The following PDE11A variants were observed in gnomAD, a reference collection of about 807,000 sequenced individuals.
PDE11A encodes the protein dual 3',5'-cyclic-AMP and -GMP phosphodiesterase 11A.
A neutral mutation model predicts 100.5 loss-of-function variants in PDE11A; 100 were observed. That is an observed-to-expected ratio of 1.00 (90% CI 0.85 to 1.18). The LOEUF is 1.18. PDE11A is among the 50% of genes most tolerant of loss of function. PDE11A has a pLI of 0.00. For synonymous variants in PDE11A, 381 were observed against 420.8 expected (o/e 0.91, Z 1.16); for missense variants, 1,141 against 1,152.6 (o/e 0.99, Z 0.15).
intron 2 of PDE11A, chr2:177,997,636 T>C (rs1315963914): frequency 1.4e-6 from 2 of 1,389,160 alleles, no homozygotes; most frequent in East Asian, 4.6e-5. Flanking sequence ...TCGTGCAAAG[T>C]ATTGCAGCCT....
intron 4 of PDE11A, among the ~76,000 whole-genome samples, chr2:177,894,270 A>T (rs1220104745): frequency 1.3e-5 from 2 of 152,086 alleles, no homozygotes; most frequent in African/African-American, 2.4e-5. Context: ...TCTGCTGGGG[A>T]TGCCACATAA....
chr2:177,962,657 A>C (rs1003121850), intron 2 of PDE11A, among the ~76,000 whole-genome samples: 14 of 152,192 alleles, frequency 9.2e-5, no homozygotes, highest in African/African-American at 2.7e-4. Flanking sequence ...TGAAAGATGA[A>C]TTAGGGTCAG....
chr2:177,719,699 C>A (rs10166758), intron 12 of PDE11A, among the ~76,000 whole-genome samples: 1 of 152,104 alleles, frequency 6.6e-6, no homozygotes, highest in Non-Finnish European at 1.5e-5. Flanking sequence ...GCAGTATTTA[C>A]AGAAGAAGCA....
chr2:177,931,911 C>CAA (rs71410773), intron 2 of PDE11A, among the ~76,000 whole-genome samples: 7,220 of 80,122 alleles, frequency 0.09, 239 homozygotes, highest in Non-Finnish European at 0.12. Context: ...GCTAGATTAA[C>CAA]AAAAAAAAAA....
intron 17 of PDE11A, among the ~76,000 whole-genome samples, chr2:177,673,751 G>C (rs1224256824): frequency 1.3e-5 from 2 of 152,194 alleles, no homozygotes; most frequent in African/African-American, 4.8e-5. Flanking sequence ...AACTCTGGTA[G>C]TCATGCATTC....
intron 9 of PDE11A, among the ~76,000 whole-genome samples, chr2:177,769,885 C>CAAA (rs10572990): frequency 3.7e-4 from 26 of 70,848 alleles, no homozygotes; most frequent in Non-Finnish European, 4.6e-4. Context: ...AAGACCCTAT[C>CAAA]AAAAAAAAAA....
intron 1 of PDE11A, among the ~76,000 whole-genome samples, chr2:178,043,106 C>T (rs1381767281): frequency 6.6e-6 from 1 of 152,078 alleles, no homozygotes; most frequent in Non-Finnish European, 1.5e-5. Context: ...GCAGTGCAGT[C>T]TTATATACTA....
chr2:177,893,817 T>C lies in PDE11A; in HGVS notation c.1302+4241A>G, dbSNP rs563630023. Among the ~76,000 whole-genome samples the C allele has an allele frequency of 7.0e-4, 107 of 152,268 alleles. 1 individual carries two copies. In the South Asian group the frequency reaches 9.1e-3, roughly 13 times the overall value. ...AAGGTCATAAGTAATATGGAAAAGGTATAATTGTGGATTTGCTTGGTAATA... is the reference window on the plus strand; with the variant it reads ...AAGGTCATAAGTAATATGGAAAAGGCATAATTGTGGATTTGCTTGGTAATA... On this transcript the variant is annotated intron_variant, in intron 4 of 19. Transcript: ENST00000286063.
intron 10 of PDE11A, among the ~76,000 whole-genome samples, chr2:177,740,761 A>T (rs1444002665): frequency 6.6e-6 from 1 of 152,112 alleles, no homozygotes; most frequent in Non-Finnish European, 1.5e-5. Flanking sequence ...AAACTTATTT[A>T]TTTTTGTGGT....
At chr2:178,028,667 T>C (rs1420734952) in intron 1 of PDE11A, among the ~76,000 whole-genome samples, 1 of 152,232 alleles carries the variant, frequency 6.6e-6, no homozygotes, top group African/African-American at 2.4e-5. Context: ...CTTAGCCAGC[T>C]AGCAAAATGC....
intron 18 of PDE11A, among the ~76,000 whole-genome samples, chr2:177,664,586 T>C (rs1399985487): frequency 2.6e-5 from 4 of 152,144 alleles, no homozygotes; most frequent in Non-Finnish European, 5.9e-5. Flanking sequence ...TTAGGTATAT[T>C]TTTGGGAAAA....
intron 2 of PDE11A, among the ~76,000 whole-genome samples, chr2:177,968,909 C>T (rs1181466049): frequency 6.6e-6 from 1 of 152,212 alleles, no homozygotes; most frequent in Non-Finnish European, 1.5e-5. Flanking sequence ...CTGGCAATCC[C>T]ATTACTGGGT....
chr2:178,014,251 A>G (rs748527789), intron 2 of PDE11A, 51 bp downstream of exon 2: 1 of 1,362,062 alleles, frequency 7.3e-7, no homozygotes, highest in African/African-American at 1.4e-5. Context: ...GGAGAATAGC[A>G]ATCAATGACC....
intron 13 of PDE11A, among the ~76,000 whole-genome samples, chr2:177,710,362 G>C (rs552593021): frequency 6.6e-6 from 1 of 151,978 alleles, no homozygotes; most frequent in Non-Finnish European, 1.5e-5. Context: ...TGAGTGGTGC[G>C]GGGGAGGCGG....
intron 19 of PDE11A, among the ~76,000 whole-genome samples, chr2:177,658,228 TAGATGTCAGCTGGGGA>T (rs2080419495): frequency 6.6e-6 from 1 of 152,158 alleles, no homozygotes. Flanking sequence ...CCCTGGTACC[TAGATGTCAGCTGGGGA>T]GGAGAAAGAG....
intron 6 of PDE11A, among the ~76,000 whole-genome samples, chr2:177,830,631 TAATAATAA>T: frequency 6.8e-6 from 1 of 148,054 alleles, no homozygotes; most frequent in African/African-American, 2.5e-5. Context: ...ATAATAATAA[TAATAATAA>T]TAATAATAAT....
chr2:177,991,301 A>G (rs2086001233), intron 2 of PDE11A, among the ~76,000 whole-genome samples: 1 of 150,446 alleles, frequency 6.6e-6, no homozygotes, highest in Non-Finnish European at 1.5e-5. Flanking sequence ...ACTGTACTCC[A>G]GCCTGGGCGA....
At chr2:177,989,832 GA>G (rs1173237042) in intron 2 of PDE11A, among the ~76,000 whole-genome samples, 1 of 151,490 alleles carries the variant, frequency 6.6e-6, no homozygotes, top group Non-Finnish European at 1.5e-5. Context: ...TCATAGCACT[GA>G]AAAAAAATAA....
chr2:177,954,027 T>C (rs1014433443), intron 2 of PDE11A, among the ~76,000 whole-genome samples: 1 of 151,876 alleles, frequency 6.6e-6, no homozygotes, highest in African/African-American at 2.4e-5. Flanking sequence ...GGGATTTCAC[T>C]TCCTTTACTT....
Sources: allele counts gnomAD v4.1 joint callset (sites outside exome capture counted in the v4.1 genomes callset), GRCh38; gene constraint gnomAD v4.1.1; transcripts MANE v1.5; gene names NCBI Gene and HGNC (gene_info 2026-07-23, HGNC 2026-07-21).